PRDM16: variants seen among roughly 807,000 people sequenced by gnomAD.
The protein encoded by PRDM16 is PR/SET domain 16.
Under a neutral mutation model 110.6 loss-of-function variants are expected in PRDM16, and 23 were observed. The ratio of observed to expected loss-of-function variants is 0.21; its 90% CI spans 0.15 to 0.29. The LOEUF is 0.29. PRDM16 is among the 10% of genes least tolerant of loss of function. PRDM16 has a pLI of 1.00. For synonymous variants in PRDM16, 799 were observed against 781.8 expected, an observed-to-expected ratio of 1.02 and a Z score of -0.37; for missense variants, 1,615 against 1,794.3, an observed-to-expected ratio of 0.90 and a Z score of 1.81.
intron 1 of PRDM16, among the ~76,000 whole-genome samples, chr1:3,138,232 G>T (rs562372136): frequency 1.3e-5 from 2 of 152,356 alleles, no homozygotes; most frequent in Non-Finnish European, 2.9e-5. Context: ...CAACCACGGG[G>T]TGTGGCTTTG....
At chr1:3,407,350 G>A (rs1643579594) in intron 8 of PRDM16, among the ~76,000 whole-genome samples, 1 of 152,238 alleles carries the variant, frequency 6.6e-6, no homozygotes. Flanking sequence ...ACCAAAGGGA[G>A]ATGGAGCTCT....
chr1:3,302,231 T>C (rs1047002571), intron 3 of PRDM16, among the ~76,000 whole-genome samples: 3 of 152,104 alleles, frequency 2.0e-5, no homozygotes, highest in Non-Finnish European at 2.9e-5. Flanking sequence ...GTCTCCGAGA[T>C]TTCCCGGGGT....
At chr1:3,416,171 A>T (rs534047004) in intron 10 of PRDM16, among the ~76,000 whole-genome samples, 1 of 152,242 alleles carries the variant, frequency 6.6e-6, no homozygotes, top group East Asian at 1.9e-4. Flanking sequence ...TTTTTATCGT[A>T]ACCAGTTCCC....
At chr1:3,136,071 G>T (rs1230490159) in intron 1 of PRDM16, among the ~76,000 whole-genome samples, 1 of 149,214 alleles carries the variant, frequency 6.7e-6, no homozygotes, top group South Asian at 2.1e-4. Flanking sequence ...CTGGGGCGGG[G>T]CTGGGGGCAG....
intron 3 of PRDM16, among the ~76,000 whole-genome samples, chr1:3,273,825 T>A (rs936931953): frequency 3.2e-4 from 46 of 145,608 alleles, no homozygotes; most frequent in Admixed American, 8.2e-4. Flanking sequence ...TAAGTGTGTG[T>A]GTGTGTGTGT....
chr1:3,107,650 G>A (rs542080707), intron 1 of PRDM16, among the ~76,000 whole-genome samples: 2 of 152,330 alleles, frequency 1.3e-5, no homozygotes, highest in African/African-American at 4.8e-5. Flanking sequence ...CATCATGGAA[G>A]GCATCCTGGA....
intron 3 of PRDM16, among the ~76,000 whole-genome samples, chr1:3,333,736 A>AGATCATG (rs1003073001): frequency 4.6e-5 from 7 of 152,284 alleles, no homozygotes; most frequent in African/African-American, 1.7e-4. Context: ...GGAGGCGAGT[A>AGATCATG]GATCATGGAT....
rs1641963832 is a variant in PRDM16 at position 3,328,296 on chromosome 1, G to A, written c.439-56856G>A. ...TTGTGGTCAGATAATTCTGTTGTGG[G>A]GAGCTGTTCTGTGCAGTGGGGGGTG... On this transcript the variant is annotated intron_variant, in intron 3 of 16. Transcript: ENST00000270722. Among the ~76,000 whole-genome samples the A allele has an allele frequency of 2.0e-5, 3 of 152,196 alleles. No individual in the cohort carries two copies. The South Asian group carries it at 6.2e-4, about 32-fold the overall frequency.
intron 2 of PRDM16, among the ~76,000 whole-genome samples, chr1:3,211,672 C>T (rs928442993): frequency 6.6e-6 from 1 of 152,220 alleles, no homozygotes; most frequent in Non-Finnish European, 1.5e-5. Context: ...GGTCAGTGCT[C>T]GCTCACCCTG....
intron 10 of PRDM16, among the ~76,000 whole-genome samples, chr1:3,415,342 G>A (rs1038664795): frequency 6.6e-6 from 1 of 152,256 alleles, no homozygotes; most frequent in African/African-American, 2.4e-5. Flanking sequence ...GCCATGGGCT[G>A]CACCTGGAGG....
At position 3,243,959 on chromosome 1, in the gene PRDM16, TG is replaced by T; in HGVS notation, c.388-126del. On this transcript the variant is annotated intron_variant, in intron 2 of 16. Transcript: ENST00000270722. This position sits in a 1 kb window ranked among gnomAD's most constrained non-coding sequence, Gnocchi z 5.5. ...CAATGGAACCCTTCATTTCCTGCTGTGGAGAAGCCACTGGGTCCCACCCTGT... is the reference window on the plus strand; with the variant it reads ...CAATGGAACCCTTCATTTCCTGCTGTGAGAAGCCACTGGGTCCCACCCTGT... 3.5e-6 allele frequency: 3 copies of T among 845,866 alleles called. No individual in the cohort carries two copies. The highest frequency in any genetic ancestry group is 3.0e-5 in the South Asian group (2 of 67,650). The allele number at this position is 845,866 out of a possible 1,614,324, so 52.4% of individuals were successfully genotyped here.
At chr1:3,200,380 C>T (rs962582181) in intron 2 of PRDM16, among the ~76,000 whole-genome samples, 6 of 152,096 alleles carry the variant, frequency 3.9e-5, no homozygotes, top group Non-Finnish European at 7.4e-5. Context: ...TCTTGCTCTG[C>T]TGCCCAGGCT....
At chr1:3,147,197 G>A (rs564121911) in intron 1 of PRDM16, among the ~76,000 whole-genome samples, 7 of 151,552 alleles carry the variant, frequency 4.6e-5, no homozygotes, top group South Asian at 2.1e-4. Flanking sequence ...GGGTGTGGAC[G>A]TGTGTGTTCA....
At chr1:3,272,328 G>A (rs946594528) in intron 3 of PRDM16, among the ~76,000 whole-genome samples, 21 of 152,166 alleles carry the variant, frequency 1.4e-4, no homozygotes, top group African/African-American at 4.8e-4. Context: ...GCTCTCCGTG[G>A]GGGCTCTTTA....
chr1:3,094,963 C>T (rs912837932), intron 1 of PRDM16, among the ~76,000 whole-genome samples: 8 of 152,230 alleles, frequency 5.3e-5, no homozygotes, highest in African/African-American at 1.9e-4. Flanking sequence ...GACCTTCTCA[C>T]AGCTGCATGG....
chr1:3,284,331 T>A (rs1253205397), intron 3 of PRDM16, among the ~76,000 whole-genome samples: 1 of 152,036 alleles, frequency 6.6e-6, no homozygotes, highest in Non-Finnish European at 1.5e-5. Context: ...GTTCCTGGAG[T>A]GTGTTTTTTA....
At chr1:3,168,939 C>G (rs1256670525) in intron 1 of PRDM16, among the ~76,000 whole-genome samples, 2 of 152,214 alleles carry the variant, frequency 1.3e-5, no homozygotes, top group African/African-American at 4.8e-5. Flanking sequence ...CCTGAGCTGA[C>G]CCCTGTGGCC....
chr1:3,257,937 C>G (rs1025978917), intron 3 of PRDM16, among the ~76,000 whole-genome samples: 5 of 152,150 alleles, frequency 3.3e-5, no homozygotes, highest in African/African-American at 1.2e-4. Context: ...CTAGGAAGCA[C>G]CTACTGTGGG....
intron 3 of PRDM16, chr1:3,310,072 T>C (rs569826681): frequency 9.2e-5 from 14 of 152,338 alleles, no homozygotes; most frequent in African/African-American, 3.4e-4. Context: ...TGTAATCTTT[T>C]TCCCCAGTAG....
Sources: gnomAD v4.1 joint callset for allele counts (sites outside exome capture counted in the v4.1 genomes callset) on GRCh38, gnomAD v4.1.1 for gene constraint, Gnocchi (gnomAD v3.1) non-coding constraint, MANE v1.5 for transcripts, NCBI Gene and HGNC (gene_info 2026-07-23, HGNC 2026-07-21) for gene names.